The following AP3S1 variants were observed in gnomAD, a reference collection of about 807,000 sequenced individuals.
The protein encoded by AP3S1 is adaptor related protein complex 3 subunit sigma 1.
AP3S1 carries 12 observed loss-of-function variants against 21.3 expected under a neutral mutation model. The observed-to-expected ratio is 0.56, with a 90% CI of 0.36 to 0.91. The LOEUF (loss-of-function observed/expected upper bound fraction) is 0.91, where lower values mean the gene tolerates loss of function less well. Ranked by LOEUF, AP3S1 falls within the 40% of genes least tolerant of loss-of-function variation. AP3S1 has a pLI of 0.01. For missense variants in AP3S1, 116 were observed against 225.0 expected, an observed-to-expected ratio of 0.52 and a Z score of 3.10; for synonymous variants, 48 against 78.4, an observed-to-expected ratio of 0.61 and a Z score of 2.05.
rs576208579 is a variant in AP3S1, at chr5:115,861,663, T to C, written c.70-5007T>C. 3.3e-5 allele frequency among the ~76,000 whole-genome samples: 5 copies of C among 152,128 alleles called. No individual in the cohort carries two copies. The East Asian group carries it at 7.7e-4, about 24-fold the overall frequency. On this transcript the variant is annotated intron_variant, in intron 1 of 5. Transcript: ENST00000316788. ...TCCACCTCCCAGGCTCAAGCAATCC[T>C]CCTACCTCAGCCTCCCAAGTAGCTG...
At chr5:115,884,433 T>C (rs889512530) in intron 3 of AP3S1, among the ~76,000 whole-genome samples, 2 of 152,042 alleles carry the variant, frequency 1.3e-5, no homozygotes, top group African/African-American at 2.4e-5. Context: ...GGCATGGTGG[T>C]GCGCGCCTGT....
intron 3 of AP3S1, among the ~76,000 whole-genome samples, chr5:115,871,740 C>T (rs189709931): frequency 4.8e-4 from 73 of 152,168 alleles, no homozygotes; most frequent in Middle Eastern, 3.4e-3. Flanking sequence ...GATCCCTTAG[C>T]TCATTGAGTC....
intron 1 of AP3S1, among the ~76,000 whole-genome samples, chr5:115,854,815 C>G (rs901103566): frequency 6.6e-6 from 1 of 151,706 alleles, no homozygotes; most frequent in Non-Finnish European, 1.5e-5. Context: ...TGAATTCTAC[C>G]TATTCTTTAA....
chr5:115,895,180 C>G (rs766172822), intron 4 of AP3S1, 22 bp downstream of exon 4: 4 of 1,516,396 alleles, frequency 2.6e-6, no homozygotes, highest in Non-Finnish European at 1.8e-6. Context: ...ATTGTCACAT[C>G]TAAGCTTTTT....
intron 3 of AP3S1, among the ~76,000 whole-genome samples, chr5:115,887,311 C>T (rs1348878127): frequency 6.6e-6 from 1 of 151,818 alleles, no homozygotes; most frequent in East Asian, 1.9e-4. Context: ...AAATTTATGC[C>T]TCCTATTTTT....
intron 3 of AP3S1, among the ~76,000 whole-genome samples, chr5:115,879,784 A>G (rs1409654600): frequency 6.6e-6 from 1 of 152,128 alleles, no homozygotes; most frequent in Non-Finnish European, 1.5e-5. Context: ...GAATGATACC[A>G]TCTCCTCTTT....
At chr5:115,847,374 T>C (rs967748353) in intron 1 of AP3S1, among the ~76,000 whole-genome samples, 1 of 152,176 alleles carries the variant, frequency 6.6e-6, no homozygotes, top group Non-Finnish European at 1.5e-5. Flanking sequence ...TCCCAGCACG[T>C]TGGGAGGCCT....
At chr5:115,912,275 T>G (rs1292195423) in intron 5 of AP3S1, 1 of 151,984 alleles carries the variant, frequency 6.6e-6, no homozygotes, top group African/African-American at 2.4e-5. Context: ...CTAATCAAAG[T>G]GGAAGATTCG....
At chr5:115,853,081 A>G (rs1243825107) in intron 1 of AP3S1, 1 of 441,484 alleles carries the variant, frequency 2.3e-6, no homozygotes, top group Non-Finnish European at 4.5e-6. Context: ...ACCATTTTAC[A>G]TTCCCACCAA....
At position 115,885,685 on chromosome 5, in the gene AP3S1, A is replaced by C. The variant is rs565220185; in HGVS notation, c.274-9402A>C. ...CACCCTCAAAGACACACCCAGAAAC[A>C]ATACTTTACCAGCTATCTAGGCGTC... On this transcript the variant is annotated intron_variant, in intron 3 of 5. Transcript: ENST00000316788. Among the ~76,000 whole-genome samples, 20 of 152,306 alleles carry C rather than the reference A, an allele frequency of 1.3e-4. No individual in the cohort carries two copies. The South Asian group carries it at 1.7e-3, about 13-fold the overall frequency.
chr5:115,845,963 G>C (rs933251540), intron 1 of AP3S1, among the ~76,000 whole-genome samples: 2 of 149,784 alleles, frequency 1.3e-5, no homozygotes, highest in African/African-American at 4.9e-5. Flanking sequence ...GTTTTGCTTG[G>C]TTTGTCTTTT....
chr5:115,844,720 C>G (rs554261391), intron 1 of AP3S1, among the ~76,000 whole-genome samples: 3 of 152,266 alleles, frequency 2.0e-5, no homozygotes, highest in South Asian at 4.1e-4. Context: ...TTGTTCTAGG[C>G]CCAGCACAAA....
chr5:115,855,986 T>G (rs959324995), intron 1 of AP3S1, among the ~76,000 whole-genome samples: 2 of 151,906 alleles, frequency 1.3e-5, no homozygotes, highest in African/African-American at 4.8e-5. Context: ...TGGGTTTCTG[T>G]TTTTTTTAAA....
chr5:115,895,220 G>T, intron 4 of AP3S1, 62 bp downstream of exon 4: 3 of 1,137,952 alleles, frequency 2.6e-6, no homozygotes, highest in Non-Finnish European at 3.7e-6. Context: ...AATTGTCATA[G>T]CAAAAATGGC....
intron 1 of AP3S1, among the ~76,000 whole-genome samples, chr5:115,861,286 G>A (rs1161211399): frequency 2.6e-5 from 4 of 152,158 alleles, no homozygotes; most frequent in African/African-American, 7.2e-5. Flanking sequence ...TGTGAAGAAG[G>A]TGAATGGTAA....
At chr5:115,904,294 C>T (rs1200228053) in intron 5 of AP3S1, among the ~76,000 whole-genome samples, 3 of 152,174 alleles carry the variant, frequency 2.0e-5, no homozygotes, top group African/African-American at 7.2e-5. Context: ...CATTAATTTA[C>T]AACAGGTGAG....
At chr5:115,885,695 C>T (rs576523219) in intron 3 of AP3S1, among the ~76,000 whole-genome samples, 28 of 152,300 alleles carry the variant, frequency 1.8e-4, no homozygotes, top group African/African-American at 6.5e-4. Context: ...AATACTTTAC[C>T]AGCTATCTAG....
chr5:115,895,667 A>T (rs1321949827), intron 4 of AP3S1, among the ~76,000 whole-genome samples: 7 of 152,202 alleles, frequency 4.6e-5, no homozygotes, highest in Non-Finnish European at 1.0e-4. Context: ...ACAAGTTTTT[A>T]CTGACGTTAT....
At chr5:115,859,365 A>G (rs1763013018) in intron 1 of AP3S1, among the ~76,000 whole-genome samples, 1 of 152,232 alleles carries the variant, frequency 6.6e-6, no homozygotes, top group Non-Finnish European at 1.5e-5. Context: ...AGGAACTTCT[A>G]CATCTAGTTA....
Sources: allele counts gnomAD v4.1 joint callset (sites outside exome capture counted in the v4.1 genomes callset), GRCh38; gene constraint gnomAD v4.1.1; transcripts MANE v1.5; gene names NCBI Gene and HGNC (gene_info 2026-07-23, HGNC 2026-07-21).